The following PDXDC1 variants were observed in gnomAD, a reference collection of about 807,000 sequenced individuals.
The protein encoded by PDXDC1 is pyridoxal-dependent decarboxylase domain-containing protein 1.
PDXDC1 carries 42 observed loss-of-function variants against 100.1 expected under a neutral mutation model. The observed-to-expected ratio is 0.42, with a 90% confidence interval of 0.33 to 0.54. The LOEUF (loss-of-function observed/expected upper bound fraction) is 0.54, where lower values mean the gene tolerates loss of function less well. PDXDC1 is among the 20% of genes least tolerant of loss of function. The pLI is 0.10. For missense variants in PDXDC1, 636 were observed against 979.2 expected (o/e 0.65, Z 4.68); for synonymous variants, 260 against 371.7 (o/e 0.70, Z 3.46).
intron 11 of PDXDC1, 85 bp downstream of exon 11, chr16:15,017,507 A>G (rs2041881321): frequency 1.1e-6 from 1 of 878,684 alleles, no homozygotes; most frequent in Non-Finnish European, 1.8e-6. Flanking sequence ...AAATACAGGA[A>G]AAAGTGAAAA....
chr16:15,112,047 G>T (rs2047088763), intron 16 of PDXDC1, among the ~76,000 whole-genome samples: 1 of 147,004 alleles, frequency 6.8e-6, no homozygotes, highest in East Asian at 1.9e-4. Context: ...AGGCTGGTTT[G>T]AACTTTACGC....
rs1445018345 is a variant in PDXDC1, at chr16:15,137,611, G to A, written c.1400-1268G>A. ...CCACCCCACACACCCCCATCCGCCC[G>A]CCGCACTCACAGGCTCCCATGCTGT... is the stretch of plus-strand genomic sequence containing the variant. On this transcript the variant is annotated intron_variant, in intron 16 of 16. Transcript: ENST00000535621. The A allele has an allele frequency of 2.5e-5, 34 of 1,355,768 alleles. 1 individual carries two copies. The highest frequency in any genetic ancestry group is 1.2e-4 in the South Asian group (10 of 80,200). 84.0% of individuals were successfully genotyped at this position (1,355,768 alleles called of 1,614,324 possible). A position where few individuals can be genotyped will look rare whatever the true frequency, so the allele number is the denominator to read the frequency against.
chr16:15,111,603 C>G (rs1471599052), intron 16 of PDXDC1, among the ~76,000 whole-genome samples: 1 of 145,746 alleles, frequency 6.9e-6, no homozygotes, highest in African/African-American at 2.5e-5. Flanking sequence ...ACTAAAAATA[C>G]AAAAATTAGC....
the PDXDC1 span, among the ~76,000 whole-genome samples, chr16:15,152,272 G>C: frequency 1.7e-5 from 2 of 120,200 alleles, no homozygotes; most frequent in Non-Finnish European, 3.8e-5. Context: ...AAGGCTACTG[G>C]TGACACCCAG....
rs1301610817 is a variant in PDXDC1 at position 15,037,871 on chromosome 16, G to A, written c.*1596G>A. The A allele has an allele frequency of 9.2e-6, 5 of 544,362 alleles. No individual in the cohort carries two copies. The highest frequency in any genetic ancestry group is 7.6e-5 in the African/African-American group (4 of 52,516). The allele number at this position is 544,362 out of a possible 1,614,324, so 33.7% of individuals were successfully genotyped here. ...CAACAAATGCCTTTGCCAAAATAAG[G>A]TTTTATTTTGAAAGTCATTTGATGA... On this transcript the variant is annotated 3_prime_UTR_variant, in exon 23 of 23. Transcript: ENST00000396410.
chr16:15,150,449 A>G, the PDXDC1 span, among the ~76,000 whole-genome samples: 26 of 151,254 alleles, frequency 1.7e-4, no homozygotes, highest in Non-Finnish European at 3.0e-4. Flanking sequence ...CAGATCACCT[A>G]AGGCCAAGAG....
intron 16 of PDXDC1, chr16:15,044,601 C>T: frequency 1.7e-6 from 1 of 594,268 alleles, no homozygotes; most frequent in Non-Finnish European, 3.0e-6. Context: ...GGGGACCCTG[C>T]CCAGGGGCCC....
intron 16 of PDXDC1, among the ~76,000 whole-genome samples, chr16:15,077,843 C>A (rs976006375): frequency 6.6e-6 from 1 of 152,130 alleles, no homozygotes; most frequent in East Asian, 1.9e-4. Flanking sequence ...CCATCTCAAA[C>A]AAACAAACAA....
downstream of PDXDC1, among the ~76,000 whole-genome samples, chr16:15,142,351 G>A (rs547789837): frequency 1.4e-4 from 21 of 152,228 alleles, no homozygotes; most frequent in African/African-American, 4.6e-4. Context: ...CACTCCCTGC[G>A]TGCCAGGCTC....
chr16:15,041,765 G>A (rs1039732815), downstream of PDXDC1: 34 of 928,304 alleles, frequency 3.7e-5, no homozygotes, highest in African/African-American at 3.7e-4. Context: ...AGGGAGGGAC[G>A]GCAGCCAACT....
rs946032708 is a variant in PDXDC1 at position 15,076,796 on chromosome 16, G to C, written c.1399+46740G>C. The C allele has an allele frequency of 4.8e-6, 3 of 628,874 alleles. No individual in the cohort carries two copies. The African/African-American group carries it at 5.5e-5, about 12-fold the overall frequency. The allele number at this position is 628,874 out of a possible 1,614,324, so 39.0% of individuals were successfully genotyped here. A position where few individuals can be genotyped will look rare whatever the true frequency, so the allele number is the denominator to read the frequency against. Reference sequence around the variant, plus strand: ...ACACCCCAACACAATACACAATTATGGTGCAAGCCTGTAAACTGACCTAGG... The same window carrying C: ...ACACCCCAACACAATACACAATTATCGTGCAAGCCTGTAAACTGACCTAGG... On this transcript the variant is annotated intron_variant, in intron 16 of 16. Coordinates refer to the PDXDC1 transcript ENST00000535621.
upstream of PDXDC1, chr16:14,974,937 A>G (rs1404068374): frequency 6.5e-7 from 1 of 1,535,092 alleles, no homozygotes; most frequent in African/African-American, 1.4e-5. Flanking sequence ...TCCCCCCTTC[A>G]CCTGCGCACG....
intron 16 of PDXDC1, among the ~76,000 whole-genome samples, chr16:15,053,629 G>C (rs899111169): frequency 6.6e-6 from 1 of 152,034 alleles, no homozygotes; most frequent in Non-Finnish European, 1.5e-5. Context: ...AAATAATCCA[G>C]GCCAGGTGGA....
intron 16 of PDXDC1, among the ~76,000 whole-genome samples, chr16:15,063,526 G>A (rs1434659029): frequency 1.3e-5 from 2 of 151,866 alleles, no homozygotes; most frequent in Non-Finnish European, 2.9e-5. Context: ...GGCTAACACG[G>A]TGAAACCCCA....
At position 15,123,108 on chromosome 16, in the gene PDXDC1, G is replaced by T. The variant is rs902215468; in HGVS notation, c.1400-15771G>T. ...TTCTGCTTTCCACCAAACCTTCTTC[G>T]GTCTGGGCCCTCCCTTAGCAACCCT... On this transcript the variant is annotated intron_variant, in intron 16 of 16. Transcript: ENST00000535621. 7.3e-5 allele frequency among the ~76,000 whole-genome samples: 11 copies of T among 149,908 alleles called. No individual in the cohort carries two copies. The South Asian group carries it at 2.4e-3, about 32-fold the overall frequency.
At chr16:15,040,784 C>T (rs897522706), downstream of PDXDC1, among the ~76,000 whole-genome samples, 1 of 152,156 alleles carries the variant, frequency 6.6e-6, no homozygotes, top group African/African-American at 2.4e-5. Context: ...CAAAACCAGG[C>T]ACTTTCCCAG....
chr16:15,026,648 A>G lies in PDXDC1; in HGVS notation c.1146A>G (p.Glu382=). The change falls in exon 14 of 23, where the codon GAA becomes GAG. Residue 382 remains glutamate, a synonymous_variant. Transcript: ENST00000396410. ...TGAGACTTCCATTCTTCCAGGTGGA[A>G]GATGAGCTCAGCTCCCCAGTGGTGG... is the stretch of plus-strand genomic sequence containing the variant. ...KKVNYIKILV[E]DELSSPVVVF... is the part of the protein sequence containing the mutation. 1 of 1,613,448 alleles carries G rather than the reference A, an allele frequency of 6.2e-7. No individual in the cohort carries two copies. The highest frequency in any genetic ancestry group is 8.5e-7 in the Non-Finnish European group (1 of 1,179,496).
the PDXDC1 span, among the ~76,000 whole-genome samples, chr16:15,144,980 G>A: frequency 1.3e-5 from 2 of 152,300 alleles, no homozygotes; most frequent in South Asian, 2.1e-4. Flanking sequence ...GGAGCCAGGC[G>A]TTGTGACCCC....
chr16:15,018,470 GT>G (rs2041955864), intron 11 of PDXDC1, among the ~76,000 whole-genome samples: 1 of 152,280 alleles, frequency 6.6e-6, no homozygotes. Flanking sequence ...GCAAAATAAG[GT>G]TTAAGTGATT....
Sources: allele counts gnomAD v4.1 joint callset (sites outside exome capture counted in the v4.1 genomes callset), GRCh38; gene constraint gnomAD v4.1.1; transcripts MANE v1.5; gene names NCBI Gene and HGNC (gene_info 2026-07-23, HGNC 2026-07-21).